Variants in MYO18B observed in about 807,000 individuals in gnomAD.
MYO18B encodes the protein myosin XVIIIB, also known as unconventional myosin-XVIIIb.
Under a neutral mutation model 273.0 loss-of-function variants are expected in MYO18B, and 204 were observed. The ratio of observed to expected loss-of-function variants is 0.75; its 90% confidence interval spans 0.67 to 0.84. The LOEUF is 0.84. Among genes scored for constraint, MYO18B ranks in the 40% least tolerant of loss-of-function variants. The probability of loss-of-function intolerance (pLI) is 0.00; values close to 1 mark genes in which losing one functional copy is unlikely to be tolerated. For synonymous variants in MYO18B, 1,330 were observed against 1,305.7 expected, an observed-to-expected ratio of 1.02 and a Z score of -0.40; for missense variants, 3,212 against 3,287.6, an observed-to-expected ratio of 0.98 and a Z score of 0.56.
At chr22:25,880,199 G>T (rs1003199233) in intron 25 of MYO18B, among the ~76,000 whole-genome samples, 3 of 151,860 alleles carry the variant, frequency 2.0e-5, no homozygotes, top group South Asian at 2.1e-4. Flanking sequence ...AAATGTAAGG[G>T]GTCACCAAAA....
chr22:25,745,695 T>C (rs2085760259), intron 1 of MYO18B, among the ~76,000 whole-genome samples: 2 of 127,226 alleles, frequency 1.6e-5, no homozygotes, highest in African/African-American at 8.2e-5. Flanking sequence ...TCCTCAAGAA[T>C]CGGCAAAGTG....
chr22:25,925,470 A>G (rs1161505487), intron 34 of MYO18B, among the ~76,000 whole-genome samples: 1 of 152,138 alleles, frequency 6.6e-6, no homozygotes. Flanking sequence ...AGTAGAGAAA[A>G]CTGGATCCAG....
chr22:25,985,252 T>G (rs998778590), intron 39 of MYO18B, among the ~76,000 whole-genome samples: 2 of 152,032 alleles, frequency 1.3e-5, no homozygotes, highest in African/African-American at 4.8e-5. Context: ...TCCCAGCTGT[T>G]TGGGGGGCTG....
intron 1 of MYO18B, among the ~76,000 whole-genome samples, chr22:25,753,671 C>A (rs1034843438): frequency 6.6e-6 from 1 of 152,186 alleles, no homozygotes; most frequent in African/African-American, 2.4e-5. Context: ...GGCGAGACCA[C>A]GAACCCATCA....
At chr22:25,986,138 C>A (rs150738675) in intron 39 of MYO18B, among the ~76,000 whole-genome samples, 1 of 152,192 alleles carries the variant, frequency 6.6e-6, no homozygotes, top group East Asian at 1.9e-4. Context: ...GTCAGGAGAC[C>A]TGAGCTTAGC....
intron 20 of MYO18B, among the ~76,000 whole-genome samples, chr22:25,850,263 G>A (rs1045501520): frequency 1.3e-5 from 2 of 152,166 alleles, no homozygotes; most frequent in Non-Finnish European, 2.9e-5. Context: ...TTTTTAAGCA[G>A]TTGAGGCTCT....
chr22:25,789,083 TTCCTCCTCCTTCTTCTTCC>T lies in MYO18B; in HGVS notation c.2376+3603_2376+3621del, dbSNP rs1569021022. Among the ~76,000 whole-genome samples, 748 of 143,790 alleles carry T rather than the reference TTCCTCCTCCTTCTTCTTCC, an allele frequency of 5.2e-3. 6 individuals are homozygous for T. Among genetic ancestry groups the T allele is most frequent in the Middle Eastern group, 7.1e-3 (2 of 282 alleles). The allele number at this position is 143,790 out of a possible 152,430, so 94.3% of individuals were successfully genotyped here. A position where few individuals can be genotyped will look rare whatever the true frequency, so the allele number is the denominator to read the frequency against. Reference sequence around the variant, plus strand: ...TTTCTCCTCCTCCTCCTCCTTCTTCTTCCTCCTCCTTCTTCTTCCTCCTCCTCCTCCTCCTCCTCCTCTT... The same window carrying T: ...TTTCTCCTCCTCCTCCTCCTTCTTCTTCCTCCTCCTCCTCCTCCTCCTCTT... On this transcript the variant is annotated intron_variant, in intron 11 of 43. Transcript: ENST00000335473.
At chr22:25,983,479 G>A (rs983257502) in intron 39 of MYO18B, 6 of 152,162 alleles carry the variant, frequency 3.9e-5, no homozygotes, top group African/African-American at 1.4e-4. Context: ...GAATTTGTAC[G>A]GACTGAAAAC....
At chr22:25,890,684 T>C (rs1268593360) in intron 25 of MYO18B, 72 bp from the exon 26 acceptor site, 6 of 1,579,230 alleles carry the variant, frequency 3.8e-6, no homozygotes, top group Non-Finnish European at 5.2e-6. Context: ...AAGGCGATCC[T>C]GTGCATGGGG....
chr22:25,930,225 C>T (rs2092478932), intron 34 of MYO18B, among the ~76,000 whole-genome samples: 1 of 152,166 alleles, frequency 6.6e-6, no homozygotes, highest in Non-Finnish European at 1.5e-5. Flanking sequence ...TGCCGCCTCT[C>T]CTTCCCCACA....
intron 11 of MYO18B, 90 bp downstream of exon 11, chr22:25,785,581 T>C: frequency 1.5e-6 from 2 of 1,368,970 alleles, no homozygotes; most frequent in Non-Finnish European, 2.0e-6. Flanking sequence ...TTGTCTCTTT[T>C]GGTACTGGGG....
intron 40 of MYO18B, among the ~76,000 whole-genome samples, chr22:25,995,694 A>G (rs1317718618): frequency 6.6e-6 from 1 of 152,182 alleles, no homozygotes; most frequent in East Asian, 1.9e-4. Flanking sequence ...CTCTGGCTTT[A>G]AAGGGACCCT....
chr22:25,767,035 C>T (rs1038880100), intron 3 of MYO18B, among the ~76,000 whole-genome samples: 1 of 152,144 alleles, frequency 6.6e-6, no homozygotes, highest in South Asian at 2.1e-4. Context: ...TCCCAGATTC[C>T]CAGGCATGGG....
chr22:25,909,900 C>T (rs185653599), intron 32 of MYO18B, among the ~76,000 whole-genome samples: 1 of 152,270 alleles, frequency 6.6e-6, no homozygotes, highest in Admixed American at 6.5e-5. Flanking sequence ...TAAACAGCAA[C>T]TAATTGCAGA....
chr22:25,744,788 G>A (rs1187886988), intron 1 of MYO18B, among the ~76,000 whole-genome samples: 1 of 152,074 alleles, frequency 6.6e-6, no homozygotes, highest in Non-Finnish European at 1.5e-5. Context: ...TCTGAAAAAT[G>A]GAGGAGGTGG....
chr22:25,785,796 C>T (rs980009439), intron 11 of MYO18B, among the ~76,000 whole-genome samples: 12 of 152,184 alleles, frequency 7.9e-5, no homozygotes, highest in African/African-American at 2.9e-4. Context: ...GGACCTTAAC[C>T]TCCTGGTAGG....
rs567627512 is a variant in MYO18B at position 25,834,873 on chromosome 22, G to C, written c.3061-423G>C. Among the ~76,000 whole-genome samples, 4 of 152,306 alleles carry C rather than the reference G, an allele frequency of 2.6e-5. No individual in the cohort carries two copies. The South Asian group carries it at 8.3e-4, about 32-fold the overall frequency. On this transcript the variant is annotated intron_variant, in intron 16 of 43. Transcript: ENST00000335473. Reference sequence around the variant, plus strand: ...AATACAAGGACTTCTTAGAGGAAACGATACAGACAGAATTAATCCTTTCTC... The same window carrying C: ...AATACAAGGACTTCTTAGAGGAAACCATACAGACAGAATTAATCCTTTCTC...
intron 39 of MYO18B, among the ~76,000 whole-genome samples, chr22:25,961,218 T>C (rs1439070412): frequency 1.4e-5 from 2 of 142,570 alleles, no homozygotes; most frequent in African/African-American, 5.2e-5. Flanking sequence ...CTAGCCTCCA[T>C]CTAAAAAAAA....
chr22:25,861,800 A>G (rs908331988), intron 21 of MYO18B, among the ~76,000 whole-genome samples: 19 of 152,146 alleles, frequency 1.2e-4, no homozygotes, highest in African/African-American at 3.4e-4. Context: ...ACGGTTTACA[A>G]TATGTATTGT....
Sources: allele counts gnomAD v4.1 joint callset (sites outside exome capture counted in the v4.1 genomes callset), GRCh38; gene constraint gnomAD v4.1.1; transcripts MANE v1.5; gene names NCBI Gene and HGNC (gene_info 2026-07-23, HGNC 2026-07-21).